ABHD17C: variants seen among roughly 807,000 people sequenced by gnomAD.
The protein encoded by ABHD17C is abhydrolase domain containing 17C, depalmitoylase.
ABHD17C carries 11 observed loss-of-function variants against 27.9 expected under a neutral mutation model. The ratio of observed to expected loss-of-function variants is 0.39; its 90% CI spans 0.25 to 0.65. The LOEUF is 0.65. Among genes scored for constraint, ABHD17C ranks in the 30% least tolerant of loss-of-function variants. The probability of loss-of-function intolerance (pLI) is 0.45; values close to 1 mark genes in which losing one functional copy is unlikely to be tolerated. For missense variants in ABHD17C, 280 were observed against 470.2 expected (o/e 0.60, Z 3.74); for synonymous variants, 233 against 209.1 (o/e 1.11, Z -0.98).
chr15:80,718,684 C>T (rs1347607003), intron 1 of ABHD17C, among the ~76,000 whole-genome samples: 1 of 152,186 alleles, frequency 6.6e-6, no homozygotes, highest in East Asian at 1.9e-4. Context: ...ATCTCCTTGC[C>T]ACTGACCTTA....
At chr15:80,724,762 C>G (rs755778071) in intron 1 of ABHD17C, among the ~76,000 whole-genome samples, 1 of 152,102 alleles carries the variant, frequency 6.6e-6, no homozygotes, top group Non-Finnish European at 1.5e-5. Flanking sequence ...CCCCCTCCTC[C>G]TCCTTCTCCT....
At chr15:80,715,117 C>T (rs575828053) in intron 1 of ABHD17C, among the ~76,000 whole-genome samples, 2 of 152,290 alleles carry the variant, frequency 1.3e-5, no homozygotes, top group East Asian at 1.9e-4. Flanking sequence ...CTTTGTATAC[C>T]CCTAGAGAGG....
intron 1 of ABHD17C, chr15:80,705,014 C>T: frequency 6.6e-6 from 1 of 152,418 alleles, no homozygotes; most frequent in Non-Finnish European, 1.5e-5. Context: ...TATGGGACTG[C>T]TGATGAGAAG....
chr15:80,721,817 C>T (rs1596065559), intron 1 of ABHD17C, among the ~76,000 whole-genome samples: 1 of 151,932 alleles, frequency 6.6e-6, no homozygotes, highest in Non-Finnish European at 1.5e-5. Context: ...GCACTGGGGG[C>T]CTCCTTCCTT....
At chr15:80,713,926 A>ACG (rs1399941049) in intron 1 of ABHD17C, among the ~76,000 whole-genome samples, 1 of 150,110 alleles carries the variant, frequency 6.7e-6, no homozygotes, top group Non-Finnish European at 1.5e-5. Flanking sequence ...ACACACACAC[A>ACG]CACACACACA....
intron 1 of ABHD17C, among the ~76,000 whole-genome samples, chr15:80,728,729 G>A (rs1311288271): frequency 6.6e-6 from 1 of 152,156 alleles, no homozygotes. Context: ...AGATAAAAGG[G>A]CATCTCCTCC....
chr15:80,735,293 C>T (rs1252799928), intron 1 of ABHD17C, among the ~76,000 whole-genome samples: 1 of 152,168 alleles, frequency 6.6e-6, no homozygotes, highest in African/African-American at 2.4e-5. Context: ...CTGAAACAGA[C>T]AAAAATCCAA....
At chr15:80,728,131 C>T (rs1257803621) in intron 1 of ABHD17C, among the ~76,000 whole-genome samples, 1 of 152,104 alleles carries the variant, frequency 6.6e-6, no homozygotes, top group African/African-American at 2.4e-5. Flanking sequence ...TAAACTGTTG[C>T]CAGGATTAGA....
At chr15:80,752,077 G>T (rs1006969788) in intron 2 of ABHD17C, among the ~76,000 whole-genome samples, 2 of 152,174 alleles carry the variant, frequency 1.3e-5, no homozygotes, top group African/African-American at 4.8e-5. Flanking sequence ...CTTGGGATCG[G>T]ATGATGGAAG....
In ABHD17C at chr15:80,695,764, C is replaced by T; in HGVS notation, c.335C>T (p.Ser112Leu). The T allele has an allele frequency of 1.3e-6, 2 of 1,539,556 alleles. No individual in the cohort carries two copies. Among genetic ancestry groups the T allele is most frequent in the Non-Finnish European group, 1.7e-6 (2 of 1,149,226 alleles). Residue 112 changes from serine (S) to leucine (L), a missense_variant, in exon 1 of 3, where the codon TCG (serine) becomes TTG (leucine). Ser to Leu is a moderately radical substitution (Grantham distance 145). Around this residue, in one of 2 missense-constraint regions of ABHD17C, gnomAD observed 206 missense variants for 394.7 expected, o/e 0.52. Coordinates refer to ENST00000258884, the MANE Select transcript of ABHD17C (RefSeq NM_021214.2). This position sits in a 1 kb window ranked among gnomAD's most constrained non-coding sequence, Gnocchi z 4.3. ...RELDAVEVFF[S>L]RTARDNRLGC... is the part of the protein sequence containing the mutation. The stretch of plus-strand genomic sequence containing the variant: ...CTGGACGCCGTCGAGGTCTTCTTCT[C>T]GCGCACGGCCCGGGACAACCGGCTC...
At chr15:80,713,354 CTTTT>C (rs67320992) in intron 1 of ABHD17C, among the ~76,000 whole-genome samples, 10 of 43,844 alleles carry the variant, frequency 2.3e-4, no homozygotes, top group South Asian at 1.6e-3. Flanking sequence ...AGGTCTTGTT[CTTTT>C]TTTTTTTTTT....
intron 1 of ABHD17C, among the ~76,000 whole-genome samples, chr15:80,743,591 G>GT (rs1328817679): frequency 6.6e-6 from 1 of 152,016 alleles, no homozygotes; most frequent in African/African-American, 2.4e-5. Context: ...ATTTTGTTTT[G>GT]TTTTTTTGGA....
intron 1 of ABHD17C, among the ~76,000 whole-genome samples, chr15:80,735,459 C>T (rs901132600): frequency 2.6e-5 from 4 of 152,140 alleles, no homozygotes; most frequent in Admixed American, 6.5e-5. Context: ...TCTTCCCACC[C>T]AGCACCCTCC....
chr15:80,749,643 G>C lies in ABHD17C; in HGVS notation c.721G>C (p.Val241Leu). Residue 241 changes from valine to leucine, a missense_variant, in exon 2 of 3, where the codon GTG becomes CTG. Val to Leu is a conservative substitution (Grantham distance 32). This residue lies in a region of ABHD17C where 206 missense variants were observed against 394.7 expected (regional missense o/e 0.52). Coordinates refer to ENST00000258884, the MANE Select transcript of ABHD17C (RefSeq NM_021214.2). The part of the protein sequence containing the change: ...LHSPLMSGLR[V>L]AFPDTRKTYC... ...TTCCCCTCTGATGTCTGGTTTGCGT[G>C]TGGCTTTTCCGGATACCAGGAAAAC... is the stretch of plus-strand genomic sequence containing the variant. 1 of 1,613,984 alleles carries C rather than the reference G, an allele frequency of 6.2e-7. No homozygotes were observed. Among genetic ancestry groups the C allele is most frequent in the African/African-American group, 1.3e-5 (1 of 75,042 alleles).
intron 2 of ABHD17C, among the ~76,000 whole-genome samples, chr15:80,750,572 T>C (rs1290562409): frequency 6.6e-6 from 1 of 152,182 alleles, no homozygotes; most frequent in Non-Finnish European, 1.5e-5. Context: ...AAGATCATCG[T>C]TTGGTTACAT....
chr15:80,753,533 GTTTTC>G (rs1233360308), intron 2 of ABHD17C, among the ~76,000 whole-genome samples: 1 of 152,014 alleles, frequency 6.6e-6, no homozygotes, highest in African/African-American at 2.4e-5. Context: ...TTTTTGTTTT[GTTTTC>G]TTTTCTTTTC....
chr15:80,751,029 G>T (rs529098353), intron 2 of ABHD17C, among the ~76,000 whole-genome samples: 1 of 151,902 alleles, frequency 6.6e-6, no homozygotes, highest in African/African-American at 2.4e-5. Context: ...CATGTTCATG[G>T]TCCCCCTTCA....
At chr15:80,700,759 G>C (rs1894560544) in intron 1 of ABHD17C, among the ~76,000 whole-genome samples, 1 of 152,046 alleles carries the variant, frequency 6.6e-6, no homozygotes, top group South Asian at 2.1e-4. Flanking sequence ...AAAGTAGCCA[G>C]GTGTGGTGGT....
intron 1 of ABHD17C, among the ~76,000 whole-genome samples, chr15:80,736,671 A>G (rs1256417675): frequency 2.6e-5 from 4 of 152,200 alleles, no homozygotes; most frequent in Admixed American, 1.3e-4. Flanking sequence ...TCCACTAGGA[A>G]TTCTAACTCT....
Sources: allele counts gnomAD v4.1 joint callset (sites outside exome capture counted in the v4.1 genomes callset), GRCh38; gene constraint gnomAD v4.1.1; regional missense constraint gnomAD v4.1.1; non-coding constraint Gnocchi (gnomAD v3.1); transcripts MANE v1.5; gene names NCBI Gene and HGNC (gene_info 2026-07-23, HGNC 2026-07-21).